PEAK1: variants seen among roughly 807,000 people sequenced by gnomAD.
PEAK1 encodes pseudopodium enriched atypical kinase 1, also known as inactive tyrosine-protein kinase PEAK1.
In PEAK1, 54 loss-of-function variants were observed where a neutral mutation model predicts 124.7. The observed-to-expected ratio is 0.43, with a 90% confidence interval of 0.35 to 0.54. The LOEUF is 0.54. Among genes scored for constraint, PEAK1 ranks in the 20% least tolerant of loss-of-function variants. The probability of loss-of-function intolerance (pLI) is 0.01; values close to 1 mark genes in which losing one functional copy is unlikely to be tolerated. For missense variants in PEAK1, 2,046 were observed against 2,134.5 expected (o/e 0.96, Z 0.82); for synonymous variants, 719 against 760.0 (o/e 0.95, Z 0.89).
chr15:77,135,276 G>C (rs1486503291), intron 8 of PEAK1, among the ~76,000 whole-genome samples: 1 of 152,156 alleles, frequency 6.6e-6, no homozygotes, highest in Non-Finnish European at 1.5e-5. Flanking sequence ...AATGAATAGG[G>C]GTGGTGGTTT....
intron 2 of PEAK1, among the ~76,000 whole-genome samples, chr15:77,325,701 T>C (rs1209512): frequency 0.99 from 150,576 of 152,166 alleles, 74,518 homozygotes; most frequent in East Asian, 1. Flanking sequence ...TAGTTTCTCT[T>C]AATAATATAC....
chr15:77,256,800 T>C (rs948287485), intron 5 of PEAK1, among the ~76,000 whole-genome samples: 1 of 152,118 alleles, frequency 6.6e-6, no homozygotes, highest in East Asian at 1.9e-4. Flanking sequence ...TATGTATACA[T>C]GTGCCATGCT....
chr15:77,391,411 C>A (rs2070436863), intron 1 of PEAK1, among the ~76,000 whole-genome samples: 1 of 127,870 alleles, frequency 7.8e-6, no homozygotes, highest in African/African-American at 3.0e-5. Context: ...ATATTCTAAA[C>A]TTTATATATA....
rs1274092036 is a variant in PEAK1 at position 77,284,993 on chromosome 15, G to C, written c.-458C>G. 2 of 150,650 alleles carry C rather than the reference G, an allele frequency of 1.3e-5. No individual in the cohort carries two copies. Among genetic ancestry groups the C allele is most frequent in the African/African-American group, 2.5e-5 (1 of 40,786 alleles). 9.3% of individuals were successfully genotyped at this position (150,650 alleles called of 1,614,324 possible). On this transcript the variant is annotated 5_prime_UTR_variant, in exon 4 of 10. Transcript: ENST00000682557. ...AGCTGCTTGGGAGGCTGAGGCAGGAGAATTACTCGAACCCGGAAGGCAGAG... is the reference window on the plus strand; with the variant it reads ...AGCTGCTTGGGAGGCTGAGGCAGGACAATTACTCGAACCCGGAAGGCAGAG...
chr15:77,250,182 T>TATATATATAC (rs1402569833), intron 6 of PEAK1, among the ~76,000 whole-genome samples: 6 of 112,242 alleles, frequency 5.3e-5, no homozygotes, highest in East Asian at 2.0e-4. Flanking sequence ...TATGTATATG[T>TATATATATAC]ATATATATAC....
intron 1 of PEAK1, among the ~76,000 whole-genome samples, chr15:77,365,870 G>T: frequency 6.6e-6 from 1 of 150,758 alleles, no homozygotes; most frequent in African/African-American, 2.4e-5. Flanking sequence ...CCTATATTAT[G>T]ATTGCCCATC....
At chr15:77,192,015 T>G (rs1368730532) in intron 6 of PEAK1, among the ~76,000 whole-genome samples, 1 of 152,216 alleles carries the variant, frequency 6.6e-6, no homozygotes, top group African/African-American at 2.4e-5. Flanking sequence ...ACTTTAACTG[T>G]AGAAAATCAT....
At chr15:77,419,724 C>T (rs1214617989) in intron 1 of PEAK1, 1 of 943,420 alleles carries the variant, frequency 1.1e-6, no homozygotes, top group African/African-American at 1.8e-5. Context: ...CGTCGCGCTC[C>T]CGGGGCCGCC....
chr15:77,256,037 G>T (rs1003542968), intron 5 of PEAK1, among the ~76,000 whole-genome samples: 3 of 152,152 alleles, frequency 2.0e-5, no homozygotes, highest in Admixed American at 6.6e-5. Context: ...TGTAGGTGGG[G>T]ATAGCATGAA....
intron 8 of PEAK1, among the ~76,000 whole-genome samples, chr15:77,135,753 T>C (rs1355824123): frequency 6.6e-6 from 1 of 152,192 alleles, no homozygotes; most frequent in Non-Finnish European, 1.5e-5. Flanking sequence ...TCTCTCTCTT[T>C]GCCTGCTGCC....
intron 6 of PEAK1, among the ~76,000 whole-genome samples, chr15:77,247,125 G>C (rs367728628): frequency 2.0e-5 from 3 of 152,142 alleles, no homozygotes; most frequent in East Asian, 3.8e-4. Flanking sequence ...CTTTTTGGTA[G>C]ATTCTCTGGG....
chr15:77,316,592 T>C (rs2064889857), intron 2 of PEAK1, among the ~76,000 whole-genome samples: 1 of 152,202 alleles, frequency 6.6e-6, no homozygotes, highest in Non-Finnish European at 1.5e-5. Context: ...TTAATGCCTG[T>C]CTTCCCACAA....
rs139744113 is a variant in PEAK1, at chr15:77,392,971, A to G, written c.-666+27035T>C. Among the ~76,000 whole-genome samples the G allele has an allele frequency of 1.5e-3, 227 of 152,198 alleles. 4 individuals are homozygous for G. Among genetic ancestry groups the G allele is most frequent in the African/African-American group, 4.9e-3 (204 of 41,518 alleles). Reference sequence around the variant, plus strand: ...AAGCTGTGCACTTGCGGGGAAAGAGAGCACACCGCTTGTGGGACTTTCCAT... The same window carrying G: ...AAGCTGTGCACTTGCGGGGAAAGAGGGCACACCGCTTGTGGGACTTTCCAT... On this transcript the variant is annotated intron_variant, in intron 1 of 9. Transcript: ENST00000682557.
chr15:77,164,789 A>T (rs942344696), intron 7 of PEAK1, among the ~76,000 whole-genome samples: 9 of 152,216 alleles, frequency 5.9e-5, no homozygotes, highest in Admixed American at 3.3e-4. Context: ...ATTCACTCTA[A>T]AGAATGGGGT....
rs149597937 is a variant in PEAK1 at position 77,202,563 on chromosome 15, G to A, written c.-114-20523C>T. On this transcript the variant is annotated intron_variant, in intron 6 of 9. Coordinates refer to ENST00000682557, the MANE Select transcript of PEAK1 (RefSeq NM_001385026.1). ...GGGCGGATCACGAGGTCAGGAGATC[G>A]AGACCATCCTGGTTAACACGGTGAA... Among the ~76,000 whole-genome samples the A allele has an allele frequency of 5.8e-3, 872 of 151,332 alleles. 8 individuals carry two copies. The highest frequency in any genetic ancestry group is 0.02 in the African/African-American group (829 of 41,254).
At chr15:77,151,407 T>C (rs2054612667) in intron 8 of PEAK1, among the ~76,000 whole-genome samples, 1 of 152,222 alleles carries the variant, frequency 6.6e-6, no homozygotes, top group South Asian at 2.1e-4. Flanking sequence ...ATTCTGGATA[T>C]TAGCCCTTTG....
At chr15:77,414,893 G>C (rs1336719726) in intron 1 of PEAK1, among the ~76,000 whole-genome samples, 2 of 152,096 alleles carry the variant, frequency 1.3e-5, no homozygotes, top group Admixed American at 6.5e-5. Context: ...TAATCCAGGA[G>C]GACTCCATAG....
In PEAK1 at chr15:77,347,966, T is replaced by C. The variant is rs565646578; in HGVS notation, c.-603+17197A>G. 12 of 985,184 alleles carry C rather than the reference T, an allele frequency of 1.2e-5. No individual in the cohort carries two copies. In the East Asian group the frequency reaches 1.4e-3, roughly 112 times the overall value. 61.0% of individuals were successfully genotyped at this position (985,184 alleles called of 1,614,324 possible). On this transcript the variant is annotated intron_variant, in intron 2 of 9. Coordinates refer to ENST00000682557, the MANE Select transcript of PEAK1 (RefSeq NM_001385026.1). ...CTGAATGATTCCCAAACATACTGTATAGGTTGCATAATGCTAACAAGACAT... is the reference window on the plus strand; with the variant it reads ...CTGAATGATTCCCAAACATACTGTACAGGTTGCATAATGCTAACAAGACAT...
At chr15:77,285,231 T>C (rs1488470340) in intron 3 of PEAK1, 176 bp from the exon 4 acceptor site, 1 of 152,154 alleles carries the variant, frequency 6.6e-6, no homozygotes, top group Non-Finnish European at 1.5e-5. Context: ...GATTAGTATG[T>C]CACCTGGCTG....
Sources: gnomAD v4.1 joint callset for allele counts (sites outside exome capture counted in the v4.1 genomes callset) on GRCh38, gnomAD v4.1.1 for gene constraint, MANE v1.5 for transcripts, NCBI Gene and HGNC (gene_info 2026-07-23, HGNC 2026-07-21) for gene names.